USP28: variants seen among roughly 807,000 people sequenced by gnomAD.
The protein encoded by USP28 is ubiquitin specific peptidase 28.
USP28 carries 113 observed loss-of-function variants against 145.0 expected under a neutral mutation model. That is an observed-to-expected ratio of 0.78 (90% CI 0.67 to 0.91). USP28 has a LOEUF of 0.91. Among genes scored for constraint, USP28 ranks in the 40% least tolerant of loss-of-function variants. The pLI, the probability that USP28 is intolerant of heterozygous loss-of-function variation, is 0.00. For synonymous variants in USP28, 447 were observed against 450.9 expected, an observed-to-expected ratio of 0.99 and a Z score of 0.11; for missense variants, 1,201 against 1,289.6, an observed-to-expected ratio of 0.93 and a Z score of 1.05.
intron 1 of USP28, among the ~76,000 whole-genome samples, chr11:113,865,833 A>G (rs1227595283): frequency 6.6e-6 from 1 of 152,224 alleles, no homozygotes; most frequent in African/African-American, 2.4e-5. Context: ...GAAAAAAATA[A>G]TAACACTTTT....
chr11:113,855,579 A>G (rs1030832178), intron 1 of USP28, among the ~76,000 whole-genome samples: 4 of 152,214 alleles, frequency 2.6e-5, no homozygotes, highest in South Asian at 2.1e-4. Flanking sequence ...ATGCAACACT[A>G]AAGTATTACA....
chr11:113,858,618 T>C (rs1267871083), intron 1 of USP28, among the ~76,000 whole-genome samples: 1 of 152,204 alleles, frequency 6.6e-6, no homozygotes, highest in Non-Finnish European at 1.5e-5. Flanking sequence ...TTATTTTATT[T>C]TAATTTTTTT....
chr11:113,832,036 T>C (rs1447850989), intron 7 of USP28, 43 bp from the exon 8 acceptor site: 2 of 1,480,718 alleles, frequency 1.4e-6, no homozygotes, highest in South Asian at 1.1e-5. Flanking sequence ...GATGCAATAC[T>C]AAGAGAAATT....
intron 3 of USP28, among the ~76,000 whole-genome samples, chr11:113,847,449 G>A (rs112585117): frequency 0.019 from 2,678 of 137,706 alleles, 84 homozygotes; most frequent in African/African-American, 0.065. Context: ...GAAACGGGAC[G>A]GGGGTGGGGG....
intron 8 of USP28, among the ~76,000 whole-genome samples, chr11:113,831,270 T>C (rs1943954420): frequency 6.6e-6 from 1 of 152,194 alleles, no homozygotes; most frequent in South Asian, 2.1e-4. Context: ...ATACAAGGTA[T>C]AGAAGCAGTA....
rs562232130 is a variant in USP28, at chr11:113,834,655, G to A, written c.535-320C>T. Among the ~76,000 whole-genome samples, 534 of 152,128 alleles carry A rather than the reference G, an allele frequency of 3.5e-3. 1 individual carries two copies. Among genetic ancestry groups the A allele is most frequent in the African/African-American group, 0.013 (520 of 41,496 alleles). On this transcript the variant is annotated intron_variant, in intron 5 of 24. Transcript: ENST00000003302. Reference sequence around the variant, plus strand: ...ATGGTCTCAAACTCCTGAGCTCAAGGGATCTGCCCGCTTTGGCCTCCCAAA... The same window carrying A: ...ATGGTCTCAAACTCCTGAGCTCAAGAGATCTGCCCGCTTTGGCCTCCCAAA...
chr11:113,814,103 C>G, intron 14 of USP28, 148 bp from the exon 15 acceptor site: 4 of 565,268 alleles, frequency 7.1e-6, no homozygotes, highest in Non-Finnish European at 1.2e-5. Flanking sequence ...AGTTTTAAAG[C>G]AGCTAGTACT....
At chr11:113,869,264 C>T (rs1948587454) in intron 1 of USP28, among the ~76,000 whole-genome samples, 1 of 152,126 alleles carries the variant, frequency 6.6e-6, no homozygotes, top group Non-Finnish European at 1.5e-5. Flanking sequence ...GAAACCCCGT[C>T]TCTACTAAAA....
exon 9 of USP28, chr11:113,830,923 T>G: frequency 6.2e-7 from 1 of 1,614,078 alleles, no homozygotes; most frequent in Non-Finnish European, 8.5e-7. Flanking sequence ...CATTGGATTT[T>G]CAGATTTGTT....
intron 23 of USP28, among the ~76,000 whole-genome samples, chr11:113,802,905 G>A (rs1489740077): frequency 6.6e-6 from 1 of 152,102 alleles, no homozygotes; most frequent in Non-Finnish European, 1.5e-5. Flanking sequence ...TATAATGCAG[G>A]CATACATGAA....
chr11:113,830,492 C>T (rs560259512), intron 9 of USP28, among the ~76,000 whole-genome samples: 1 of 152,096 alleles, frequency 6.6e-6, no homozygotes, highest in Non-Finnish European at 1.5e-5. Context: ...GAGTGAAAAG[C>T]CTCTAGTCTA....
At chr11:113,800,344 C>T (rs777169132) in intron 24 of USP28, among the ~76,000 whole-genome samples, 8 of 151,940 alleles carry the variant, frequency 5.3e-5, no homozygotes, top group Non-Finnish European at 2.9e-5. Context: ...GGGTCTCACT[C>T]CAAGCTGGAG....
chr11:113,852,354 GC>G, intron 3 of USP28, 146 bp downstream of exon 3: 1 of 1,139,452 alleles, frequency 8.8e-7, no homozygotes, highest in Non-Finnish European at 1.2e-6. Context: ...TTAGAATTGT[GC>G]CTGCCACATA....
chr11:113,801,563 T>C (rs1939021114), exon 24 of USP28: 6 of 1,610,456 alleles, frequency 3.7e-6, no homozygotes, highest in South Asian at 2.2e-5. Context: ...GGAAATGTCA[T>C]TATTAATGAT....
chr11:113,874,318 G>A (rs1458858542), intron 1 of USP28, among the ~76,000 whole-genome samples: 3 of 149,166 alleles, frequency 2.0e-5, no homozygotes, highest in Admixed American at 6.8e-5. Context: ...CGGGCCGGTG[G>A]CAAGCACCTG....
chr11:113,807,886 TAGTCACA>T, intron 18 of USP28, 58 bp downstream of exon 19: 1 of 963,902 alleles, frequency 1.0e-6, no homozygotes, highest in Non-Finnish European at 1.2e-6. Context: ...TACCTTAATA[TAGTCACA>T]AGAGAAGGAA....
At chr11:113,858,419 T>C (rs1947302280) in intron 1 of USP28, among the ~76,000 whole-genome samples, 2 of 152,200 alleles carry the variant, frequency 1.3e-5, no homozygotes, top group Non-Finnish European at 2.9e-5. Flanking sequence ...TATTAAACTA[T>C]GGTATGCCAA....
At chr11:113,822,786 C>A (rs1942821645) in intron 12 of USP28, among the ~76,000 whole-genome samples, 1 of 152,136 alleles carries the variant, frequency 6.6e-6, no homozygotes, top group Admixed American at 6.5e-5. Context: ...AATGACTAGT[C>A]ACAATACATC....
intron 1 of USP28, among the ~76,000 whole-genome samples, chr11:113,873,584 C>T (rs989128144): frequency 6.6e-6 from 1 of 152,156 alleles, no homozygotes; most frequent in Non-Finnish European, 1.5e-5. Context: ...GACTGAGCCA[C>T]GACAAATTTA....
Sources: allele counts gnomAD v4.1 joint callset (sites outside exome capture counted in the v4.1 genomes callset), GRCh38; gene constraint gnomAD v4.1.1; transcripts MANE v1.5; gene names NCBI Gene and HGNC (gene_info 2026-07-23, HGNC 2026-07-21).